The following ABCC11 variants were observed in gnomAD, a reference collection of about 807,000 sequenced individuals.
The protein encoded by ABCC11 is ATP-binding cassette sub-family C member 11.
Under a neutral mutation model 149.3 loss-of-function variants are expected in ABCC11, and 135 were observed. That is an observed-to-expected ratio of 0.90 (90% CI 0.79 to 1.04). The LOEUF is 1.04. ABCC11 is among the 50% of genes least tolerant of loss of function. The probability of loss-of-function intolerance (pLI) is 0.00; values close to 1 mark genes in which losing one functional copy is unlikely to be tolerated. For missense variants in ABCC11, 1,680 were observed against 1,722.1 expected (o/e 0.98, Z 0.43); for synonymous variants, 665 against 671.4 (o/e 0.99, Z 0.15).
At chr16:48,244,530 A>G (rs1157935930) in intron 1 of ABCC11, 1 of 1,579,124 alleles carries the variant, frequency 6.3e-7, no homozygotes, top group Non-Finnish European at 8.6e-7. Context: ...CCGCCTTCTG[A>G]AGGGCACGTC....
rs1968849403 is a variant in ABCC11, at chr16:48,210,754, T to C, written c.1608+194A>G. ...TTACCTAAGCCAAAAAAATTTTAAA[T>C]GATAGATTAATTCACATTAAAAAAT... On this transcript the variant is annotated intron_variant, in intron 11 of 29. Coordinates refer to ENST00000356608, the MANE Select transcript of ABCC11 (RefSeq NM_001370497.1). The C allele has an allele frequency of 2.7e-5, 22 of 828,848 alleles. No homozygotes were observed. The Admixed American group carries it at 4.4e-4, about 17-fold the overall frequency. 51.3% of individuals were successfully genotyped at this position (828,848 alleles called of 1,614,324 possible). A position where few individuals can be genotyped will look rare whatever the true frequency, so the allele number is the denominator to read the frequency against.
chr16:48,225,176 G>A (rs1344422542), intron 4 of ABCC11, among the ~76,000 whole-genome samples: 1 of 152,130 alleles, frequency 6.6e-6, no homozygotes, highest in Non-Finnish European at 1.5e-5. Flanking sequence ...TGGCGCCACT[G>A]CACTCCAGCC....
At chr16:48,215,415 G>C in intron 7 of ABCC11, 71 bp from the exon 8 acceptor site, 2 of 1,544,610 alleles carry the variant, frequency 1.3e-6, no homozygotes, top group South Asian at 2.3e-5. Flanking sequence ...GGAGAGTTCA[G>C]CCTGGCATAA....
intron 4 of ABCC11, among the ~76,000 whole-genome samples, chr16:48,226,625 G>A (rs1429190916): frequency 6.6e-6 from 1 of 152,146 alleles, no homozygotes; most frequent in Non-Finnish European, 1.5e-5. Flanking sequence ...AGGGAAACTT[G>A]TCTGATATCA....
intron 4 of ABCC11, among the ~76,000 whole-genome samples, chr16:48,226,396 T>A (rs1409343122): frequency 6.6e-6 from 1 of 150,824 alleles, no homozygotes; most frequent in Non-Finnish European, 1.5e-5. Context: ...TGCCTCAGCC[T>A]CCTGAGCAGC....
At position 48,196,333 on chromosome 16, in the gene ABCC11, TAGA is replaced by T. The variant is rs779611758; in HGVS notation, c.2315-15_2315-13del. ...CTGATGCTCCGGCACTGGGTCAGGG[TAGA>T]AGAAGAGAAAAGTGGTATGCCTGCC... On this transcript the variant is annotated splice_polypyrimidine_tract_variant and intron_variant, in intron 17 of 29. Transcript: ENST00000356608. 7.4e-6 allele frequency: 12 copies of T among 1,612,832 alleles called. No individual in the cohort carries two copies. The highest frequency in any genetic ancestry group is 6.7e-5 in the African/African-American group (5 of 74,882).
chr16:48,236,095 C>T (rs962269646), intron 1 of ABCC11, among the ~76,000 whole-genome samples: 2 of 152,164 alleles, frequency 1.3e-5, no homozygotes, highest in South Asian at 2.1e-4. Flanking sequence ...TCCTCCTGTA[C>T]CTCGCCCTGT....
At position 48,211,144 on chromosome 16, in the gene ABCC11, C is replaced by T. The variant is rs750153306; in HGVS notation, c.1412G>A (p.Ser471Asn). Residue 471 changes from serine (S) to asparagine (N), a missense_variant, in exon 11 of 30, where the codon AGC becomes AAC. Transcript: ENST00000356608. ...GGCCTCCTCAAAGACCAGAGCTTTG[C>T]TGGGGTCTTGTAATGTCTGGACATA... is the stretch of plus-strand genomic sequence containing the variant. Reference protein sequence around the residue: ...VFYVQTLQDPSKALVFEEATL... With the variant: ...VFYVQTLQDPNKALVFEEATL... The T allele has an allele frequency of 2.5e-6, 4 of 1,614,154 alleles. No individual in the cohort carries two copies. The East Asian group carries it at 6.7e-5, about 27-fold the overall frequency.
At chr16:48,192,318 C>T (rs1013479430) in intron 20 of ABCC11, among the ~76,000 whole-genome samples, 1 of 152,074 alleles carries the variant, frequency 6.6e-6, no homozygotes, top group African/African-American at 2.4e-5. Flanking sequence ...GTGGCATGTG[C>T]CTGTACTCCC....
chr16:48,187,786 T>A (rs1966838171), intron 20 of ABCC11, among the ~76,000 whole-genome samples: 1 of 152,096 alleles, frequency 6.6e-6, no homozygotes, highest in African/African-American at 2.4e-5. Context: ...ATGAATTATA[T>A]CCTGTAAAGC....
intron 15 of ABCC11, 71 bp downstream of exon 15, chr16:48,200,205 T>C: frequency 2.7e-6 from 4 of 1,494,784 alleles, no homozygotes; most frequent in Non-Finnish European, 3.7e-6. Context: ...TGAATCACAC[T>C]CTGAAATGGC....
chr16:48,178,345 C>T (rs1343921429), intron 24 of ABCC11, among the ~76,000 whole-genome samples: 1 of 152,118 alleles, frequency 6.6e-6, no homozygotes, highest in Non-Finnish European at 1.5e-5. Context: ...CTCTCATTTC[C>T]AAGAGGAGAA....
chr16:48,167,166 A>G lies in ABCC11; in HGVS notation c.*108T>C. 30 of 427,966 alleles carry G rather than the reference A, an allele frequency of 7.0e-5. No individual in the cohort carries two copies. Among genetic ancestry groups the G allele is most frequent in the East Asian group, 1.1e-4 (2 of 18,028 alleles). The allele number at this position is 427,966 out of a possible 1,614,324, so 26.5% of individuals were successfully genotyped here. ...CCCTACATTTACCCCTGCTTCCAGG[A>G]GAAGTTCTCATCTCCAAACAAGAAG... On this transcript the variant is annotated 3_prime_UTR_variant, in exon 30 of 30. Coordinates refer to ENST00000356608, the MANE Select transcript of ABCC11 (RefSeq NM_001370497.1).
At chr16:48,234,870 T>C (rs1305466950) in intron 1 of ABCC11, among the ~76,000 whole-genome samples, 1 of 152,108 alleles carries the variant, frequency 6.6e-6, no homozygotes, top group Non-Finnish European at 1.5e-5. Context: ...AGTGAGCAAG[T>C]AGACAAAAGA....
At chr16:48,230,688 A>G (rs1970369201) in intron 2 of ABCC11, 115 bp from the exon 3 acceptor site, 1 of 1,208,812 alleles carries the variant, frequency 8.3e-7, no homozygotes, top group Admixed American at 3.2e-5. Context: ...TGCTTCCTAA[A>G]GAAAGGCTTC....
At chr16:48,243,432 A>C (rs946781211) in intron 1 of ABCC11, among the ~76,000 whole-genome samples, 6 of 150,048 alleles carry the variant, frequency 4.0e-5, no homozygotes, top group African/African-American at 1.5e-4. Context: ...AAAATTGAGG[A>C]CTTGCCACAG....
chr16:48,189,503 C>G (rs1286854603), intron 20 of ABCC11, among the ~76,000 whole-genome samples: 1 of 151,974 alleles, frequency 6.6e-6, no homozygotes. Context: ...TTCTTTAAAA[C>G]TACAAAGACA....
chr16:48,178,710 G>A, intron 23 of ABCC11, 24 bp from the exon 24 acceptor site: 1 of 1,608,564 alleles, frequency 6.2e-7, no homozygotes, highest in African/African-American at 1.3e-5. Context: ...GAAGTATCGG[G>A]GGTCAAGAGG....
chr16:48,222,664 A>C lies in ABCC11; in HGVS notation c.711T>G (p.Ala237=). 1 of 1,614,240 alleles carries C rather than the reference A, an allele frequency of 6.2e-7. No individual in the cohort carries two copies. Among genetic ancestry groups the C allele is most frequent in the Non-Finnish European group, 8.5e-7 (1 of 1,180,050 alleles). The change falls in exon 6 of 30, where the codon GCT becomes GCG. Residue 237 remains alanine (A), a synonymous_variant. Transcript: ENST00000356608. Reference sequence around the variant, plus strand: ...GCTTCTCAAAGGCAAAGGAGGAAACAGCTGCTCGGAACCTGATGGCTGTGC... The same window carrying C: ...GCTTCTCAAAGGCAAAGGAGGAAACCGCTGCTCGGAACCTGATGGCTGTGC... The part of the protein sequence containing the change: ...NQRTAIRFRA[A]VSSFAFEKLI...
Sources: allele counts gnomAD v4.1 joint callset (sites outside exome capture counted in the v4.1 genomes callset), GRCh38; gene constraint gnomAD v4.1.1; transcripts MANE v1.5; gene names NCBI Gene and HGNC (gene_info 2026-07-23, HGNC 2026-07-21).